The following LGSN variants were observed in gnomAD, a reference collection of about 807,000 sequenced individuals.
LGSN encodes the protein lengsin, lens protein with glutamine synthetase domain.
A neutral mutation model predicts 19.5 loss-of-function variants in LGSN; 21 were observed. The observed-to-expected ratio is 1.07, with a 90% CI of 0.76 to 1.55. LGSN has a LOEUF of 1.55. Among genes scored for constraint, LGSN ranks in the 40% most tolerant of loss-of-function variants. The pLI is 0.00. For synonymous variants in LGSN, 257 were observed against 215.6 expected (o/e 1.19, Z -1.68); for missense variants, 673 against 608.5 (o/e 1.11, Z -1.12).
At chr6:63,357,457 A>G in the LGSN span, among the ~76,000 whole-genome samples, 1 of 151,876 alleles carries the variant, frequency 6.6e-6, no homozygotes, top group African/African-American at 2.4e-5. Context: ...CAACAGTGTA[A>G]AGTGTTCCTA....
At chr6:63,412,751 G>T in the LGSN span, among the ~76,000 whole-genome samples, 20 of 67,128 alleles carry the variant, frequency 3.0e-4, no homozygotes, top group Middle Eastern at 7.4e-3. Flanking sequence ...AAGAAAGAAA[G>T]AAAGAAAGAA....
upstream of LGSN, among the ~76,000 whole-genome samples, chr6:63,322,011 G>A (rs1769096752): frequency 6.6e-6 from 1 of 152,164 alleles, no homozygotes; most frequent in African/African-American, 2.4e-5. Flanking sequence ...TAACTAAAAT[G>A]ATTAAAGGAA....
the LGSN span, among the ~76,000 whole-genome samples, chr6:63,416,950 C>T: frequency 7.3e-5 from 11 of 151,430 alleles, no homozygotes; most frequent in African/African-American, 2.7e-4. Context: ...CACACACACA[C>T]ACACACACAT....
chr6:63,379,411 A>C, the LGSN span, among the ~76,000 whole-genome samples: 1 of 152,198 alleles, frequency 6.6e-6, no homozygotes, highest in African/African-American at 2.4e-5. Context: ...CTCTTAAAGA[A>C]GGGCCTCAGC....
the LGSN span, among the ~76,000 whole-genome samples, chr6:63,564,883 T>C: frequency 2.0e-5 from 3 of 152,346 alleles, no homozygotes; most frequent in East Asian, 5.8e-4. Flanking sequence ...CAGGTACCAG[T>C]AGGCAAAACA....
the LGSN span, among the ~76,000 whole-genome samples, chr6:63,333,446 G>C: frequency 6.7e-6 from 1 of 150,372 alleles, no homozygotes; most frequent in African/African-American, 2.5e-5. Flanking sequence ...AGAAAAGAGG[G>C]AAGGGGAGGA....
chr6:63,359,727 C>T, the LGSN span, among the ~76,000 whole-genome samples: 7 of 152,048 alleles, frequency 4.6e-5, no homozygotes, highest in Non-Finnish European at 4.4e-5. Context: ...TCTCTCTTTT[C>T]TTCTTTATTA....
intron 2 of LGSN, among the ~76,000 whole-genome samples, chr6:63,292,584 G>A (rs1443657134): frequency 6.6e-6 from 1 of 152,134 alleles, no homozygotes; most frequent in Admixed American, 6.5e-5. Context: ...TCAGCCAAAT[G>A]CCCAGTTAAC....
chr6:63,318,368 T>A (rs1434080180), intron 1 of LGSN, among the ~76,000 whole-genome samples: 1 of 152,188 alleles, frequency 6.6e-6, no homozygotes, highest in Non-Finnish European at 1.5e-5. Context: ...CACAGTCTTG[T>A]CCTTTTCCAA....
chr6:63,417,112 C>T, the LGSN span, among the ~76,000 whole-genome samples: 1 of 152,052 alleles, frequency 6.6e-6, no homozygotes, highest in Admixed American at 6.6e-5. Context: ...GCCACCTGAC[C>T]CTTGAAGGCA....
chr6:63,478,224 T>A, the LGSN span, among the ~76,000 whole-genome samples: 1 of 152,276 alleles, frequency 6.6e-6, no homozygotes, highest in South Asian at 2.1e-4. Flanking sequence ...CCAAAAAGGC[T>A]ATTAGAGCAA....
At chr6:63,412,232 T>G in the LGSN span, among the ~76,000 whole-genome samples, 4 of 151,812 alleles carry the variant, frequency 2.6e-5, no homozygotes, top group South Asian at 4.2e-4. Context: ...CCGGACATGG[T>G]GGCAGAAGCC....
At chr6:63,345,290 T>C in the LGSN span, among the ~76,000 whole-genome samples, 2 of 152,208 alleles carry the variant, frequency 1.3e-5, no homozygotes, top group African/African-American at 4.8e-5. Flanking sequence ...TCTCTTTTAC[T>C]TTTCTGTAAA....
chr6:63,529,107 G>A, the LGSN span, among the ~76,000 whole-genome samples: 2 of 143,736 alleles, frequency 1.4e-5, no homozygotes, highest in African/African-American at 5.1e-5. Context: ...ATATATGTGT[G>A]TATATATATA....
At chr6:63,522,664 C>T in the LGSN span, among the ~76,000 whole-genome samples, 4 of 152,104 alleles carry the variant, frequency 2.6e-5, no homozygotes, top group Non-Finnish European at 5.9e-5. Flanking sequence ...AAGTTTTTAT[C>T]ATTTTTTTCC....
the LGSN span, among the ~76,000 whole-genome samples, chr6:63,553,061 T>G: frequency 6.6e-6 from 1 of 152,212 alleles, no homozygotes. Context: ...AGCACTGTAT[T>G]TAACTTGTCA....
At chr6:63,301,493 G>GA (rs1472357897) in intron 1 of LGSN, among the ~76,000 whole-genome samples, 3 of 151,904 alleles carry the variant, frequency 2.0e-5, no homozygotes, top group African/African-American at 4.8e-5. Flanking sequence ...GGGGAAAATA[G>GA]AAAAAAATGC....
At chr6:63,431,842 G>A in the LGSN span, among the ~76,000 whole-genome samples, 14 of 151,264 alleles carry the variant, frequency 9.3e-5, no homozygotes, top group African/African-American at 1.2e-4. Context: ...TGAGGCAGGC[G>A]AATCACTTGA....
chr6:63,395,947 C>T, the LGSN span: 256 of 154,280 alleles, frequency 1.7e-3, 1 homozygote, highest in Non-Finnish European at 3.3e-3. Flanking sequence ...GGGGTCCCCT[C>T]CGCTACTTGG....
Sources: gnomAD v4.1 joint callset for allele counts (sites outside exome capture counted in the v4.1 genomes callset) on GRCh38, gnomAD v4.1.1 for gene constraint, MANE v1.5 for transcripts, NCBI Gene and HGNC (gene_info 2026-07-23, HGNC 2026-07-21) for gene names.